Variants in ANKS1A observed in about 807,000 individuals in gnomAD.
ANKS1A encodes ankyrin repeat and sterile alpha motif domain containing 1A.
A neutral mutation model predicts 120.3 loss-of-function variants in ANKS1A; 55 were observed. That is an observed-to-expected ratio of 0.46 (90% CI 0.37 to 0.57). ANKS1A has a LOEUF of 0.57. ANKS1A is among the 20% of genes least tolerant of loss of function. The pLI, the probability that ANKS1A is intolerant of heterozygous loss-of-function variation, is 0.00. For missense variants in ANKS1A, 1,123 were observed against 1,480.3 expected (o/e 0.76, Z 3.96); for synonymous variants, 590 against 604.7 (o/e 0.98, Z 0.36).
chr6:34,922,257 G>A (rs1368528493), intron 1 of ANKS1A, among the ~76,000 whole-genome samples: 1 of 152,150 alleles, frequency 6.6e-6, no homozygotes, highest in African/African-American at 2.4e-5. Flanking sequence ...CATTGGCACT[G>A]TTATCCCCAT....
In ANKS1A at chr6:35,079,560, C is replaced by T. The variant is rs202077444; in HGVS notation, c.2328C>T (p.Pro776=). 141 of 1,614,114 alleles carry T rather than the reference C, an allele frequency of 8.7e-5. No individual in the cohort carries two copies. The highest frequency in any genetic ancestry group is 1.1e-4 in the Non-Finnish European group (135 of 1,179,990). ...ACGGGAACAGCCCCCCTAGCGTGCC[C>T]TCCTGGCTGGACTCCCTGGGGCTGC... ...GYDGNSPPSV[P]SWLDSLGLQD... Residue 776 remains proline, a synonymous_variant, in exon 15 of 24, where the codon CCC becomes CCT. Coordinates refer to ENST00000360359, the MANE Select transcript of ANKS1A (RefSeq NM_015245.3).
chr6:34,895,421 T>C (rs1767021923), intron 1 of ANKS1A, among the ~76,000 whole-genome samples: 1 of 152,200 alleles, frequency 6.6e-6, no homozygotes, highest in Non-Finnish European at 1.5e-5. Context: ...GAAATGGTCC[T>C]TTATTCATTC....
intron 1 of ANKS1A, among the ~76,000 whole-genome samples, chr6:34,910,871 AAAAAG>A (rs1029568129): frequency 2.6e-5 from 4 of 151,918 alleles, no homozygotes; most frequent in African/African-American, 9.7e-5. Context: ...AAAAAAAAAA[AAAAAG>A]AAAGAAAGAA....
At chr6:34,958,269 G>A (rs1370120843) in intron 1 of ANKS1A, among the ~76,000 whole-genome samples, 1 of 152,156 alleles carries the variant, frequency 6.6e-6, no homozygotes, top group Non-Finnish European at 1.5e-5. Context: ...TACTCACTGA[G>A]TAGCCTGATT....
intron 14 of ANKS1A, 92 bp from the exon 15 acceptor site, chr6:35,079,424 A>G (rs1033853369): frequency 2.0e-6 from 3 of 1,526,660 alleles, no homozygotes. Context: ...CCCCCTGGCC[A>G]CAGTCTGTGT....
intron 10 of ANKS1A, among the ~76,000 whole-genome samples, chr6:35,016,285 G>T (rs1227476970): frequency 6.6e-6 from 1 of 152,126 alleles, no homozygotes; most frequent in East Asian, 1.9e-4. Context: ...TGACCCTTTT[G>T]GTTCTAAGAT....
chr6:35,029,411 C>T (rs67388064), intron 11 of ANKS1A, among the ~76,000 whole-genome samples: 28,849 of 146,348 alleles, frequency 0.2, 3,055 homozygotes, highest in African/African-American at 0.23. Flanking sequence ...TGCAGTGGCA[C>T]AAACTTGGTT....
intron 11 of ANKS1A, among the ~76,000 whole-genome samples, chr6:35,046,658 T>C (rs1193832368): frequency 1.3e-5 from 2 of 152,230 alleles, no homozygotes; most frequent in Non-Finnish European, 2.9e-5. Context: ...ATGTTATTTT[T>C]TGATGCATTT....
At chr6:35,087,874 C>T (rs1277462185) in intron 23 of ANKS1A, among the ~76,000 whole-genome samples, 1 of 152,228 alleles carries the variant, frequency 6.6e-6, no homozygotes, top group Non-Finnish European at 1.5e-5. Flanking sequence ...GTGTGGACAG[C>T]CCCTCTATCT....
chr6:35,015,594 T>C (rs763784319), intron 10 of ANKS1A, among the ~76,000 whole-genome samples: 7 of 152,178 alleles, frequency 4.6e-5, no homozygotes, highest in Non-Finnish European at 7.3e-5. Flanking sequence ...GTGGAGCTAA[T>C]TGGCTGCCCC....
intron 1 of ANKS1A, among the ~76,000 whole-genome samples, chr6:34,915,986 C>CTTT (rs202041070): frequency 0.041 from 4,267 of 104,138 alleles, 157 homozygotes; most frequent in East Asian, 0.12. Flanking sequence ...ATGTCTGGAT[C>CTTT]TTTTTTTTTT....
intron 10 of ANKS1A, among the ~76,000 whole-genome samples, chr6:34,999,689 C>T (rs923774468): frequency 1.3e-5 from 2 of 152,156 alleles, no homozygotes; most frequent in African/African-American, 4.8e-5. Flanking sequence ...AAAGGTATGG[C>T]ACAAGGTAAC....
intron 11 of ANKS1A, among the ~76,000 whole-genome samples, chr6:35,023,128 C>T (rs1305174612): frequency 1.3e-5 from 2 of 152,150 alleles, no homozygotes; most frequent in Non-Finnish European, 2.9e-5. Flanking sequence ...TGGGAGGGAC[C>T]TTCTCCCAAT....
At chr6:34,938,919 T>G (rs995025792) in intron 1 of ANKS1A, among the ~76,000 whole-genome samples, 1 of 151,768 alleles carries the variant, frequency 6.6e-6, no homozygotes, top group African/African-American at 2.4e-5. Flanking sequence ...ACCCGGGAGG[T>G]GGAGGTTACA....
At chr6:35,002,079 T>G (rs1227866037) in intron 10 of ANKS1A, among the ~76,000 whole-genome samples, 2 of 152,196 alleles carry the variant, frequency 1.3e-5, no homozygotes, top group Admixed American at 1.3e-4. Context: ...TAATGAATGC[T>G]AGACTAACTA....
chr6:34,908,926 A>G (rs1767771423), intron 1 of ANKS1A, among the ~76,000 whole-genome samples: 1 of 152,206 alleles, frequency 6.6e-6, no homozygotes, highest in Non-Finnish European at 1.5e-5. Context: ...CACTAGAAAT[A>G]TGGCTAAAAA....
Position 35,054,151 on chromosome 6 carries a change from G to A in ANKS1A, c.2063G>A (p.Arg688Gln), listed in dbSNP as rs374619995. The part of the protein sequence containing the change: ...IGEGIDFSQE[R>Q]QKISGLRTLE... ...GAAGGGATTGACTTTTCTCAGGAAC[G>A]GCAGAAGATCTCAGGTACCGTACTA... Residue 688 changes from arginine (R) to glutamine (Q), a missense_variant, in exon 12 of 24, where the codon CGG becomes CAG. Arg to Gln is a conservative substitution (Grantham distance 43). This residue lies in a region of ANKS1A where 904 missense variants were observed against 1,130.4 expected (regional missense o/e 0.80). Coordinates refer to ENST00000360359, the MANE Select transcript of ANKS1A (RefSeq NM_015245.3). The A allele has an allele frequency of 8.7e-5, 141 of 1,613,956 alleles. 1 individual carries two copies. Among genetic ancestry groups the A allele is most frequent in the South Asian group, 4.4e-4 (40 of 91,050 alleles).
chr6:34,965,988 C>T (rs1770873971), intron 1 of ANKS1A, among the ~76,000 whole-genome samples: 1 of 152,076 alleles, frequency 6.6e-6, no homozygotes, highest in African/African-American at 2.4e-5. Context: ...ACTGATTGGC[C>T]CGCCTCAGCT....
chr6:34,895,891 G>A (rs2127442925), intron 1 of ANKS1A, among the ~76,000 whole-genome samples: 1 of 139,880 alleles, frequency 7.1e-6, no homozygotes, highest in African/African-American at 2.8e-5. Flanking sequence ...CCGGGTTCAA[G>A]CGATTCTCCT....
Sources: gnomAD v4.1 joint callset for allele counts (sites outside exome capture counted in the v4.1 genomes callset) on GRCh38, gnomAD v4.1.1 for gene constraint, gnomAD v4.1.1 regional missense constraint, MANE v1.5 for transcripts, NCBI Gene and HGNC (gene_info 2026-07-23, HGNC 2026-07-21) for gene names.